MERTK: variants seen among roughly 807,000 people sequenced by gnomAD.
MERTK encodes tyrosine-protein kinase Mer.
In MERTK, 69 loss-of-function variants were observed where a neutral mutation model predicts 99.3. The ratio of observed to expected loss-of-function variants is 0.70; its 90% CI spans 0.57 to 0.85. MERTK has a LOEUF of 0.85. Among genes scored for constraint, MERTK ranks in the 40% least tolerant of loss-of-function variants. The probability of loss-of-function intolerance (pLI) is 0.00; values close to 1 mark genes in which losing one functional copy is unlikely to be tolerated. For synonymous variants in MERTK, 426 were observed against 467.6 expected (o/e 0.91, Z 1.15); for missense variants, 1,125 against 1,249.4 (o/e 0.90, Z 1.50).
intron 14 of MERTK, among the ~76,000 whole-genome samples, chr2:112,009,713 C>T (rs894323924): frequency 1.1e-4 from 17 of 152,162 alleles, no homozygotes; most frequent in African/African-American, 3.4e-4. Flanking sequence ...ATACTTGTTA[C>T]AGTTTAATTT....
At chr2:111,911,689 CTTTTTTTTTTTTT>C (rs34867670) in intron 1 of MERTK, among the ~76,000 whole-genome samples, 2 of 57,698 alleles carry the variant, frequency 3.5e-5, no homozygotes, top group East Asian at 1.3e-3. Context: ...AGCGCCCAGC[CTTTTTTTTTTTTT>C]TTTTTTTTTT....
At position 112,022,364 on chromosome 2, in the gene MERTK, T is replaced by A. The variant is rs1677369539; in HGVS notation, c.2456T>A (p.Leu819Ter). The part of the protein sequence containing the change: ...MYDYLLHGHR[L>*]KQPEDCLDEL... ...GACTATCTTCTCCATGGCCACAGGT[T>A]GAAGCAGCCCGAAGACTGCCTGGAT... The change falls in exon 18 of 19, where the codon TTG (leucine) becomes TAG (stop). Residue 819 changes from leucine to a stop codon, truncating the protein, a stop_gained. Transcript: ENST00000295408. LOFTEE classifies it low-confidence loss of function (END_TRUNC). 1 of 1,614,102 alleles carries A rather than the reference T, an allele frequency of 6.2e-7. No individual in the cohort carries two copies. The highest frequency in any genetic ancestry group is 8.5e-7 in the Non-Finnish European group (1 of 1,180,044).
chr2:112,016,947 G>A (rs1222674623), intron 15 of MERTK, among the ~76,000 whole-genome samples: 4 of 152,124 alleles, frequency 2.6e-5, no homozygotes, highest in Admixed American at 6.6e-5. Context: ...ATGAAGCCGC[G>A]GACCTTTGCA....
intron 2 of MERTK, among the ~76,000 whole-genome samples, chr2:111,931,303 G>A (rs1394609536): frequency 1.3e-5 from 2 of 152,136 alleles, no homozygotes; most frequent in African/African-American, 2.4e-5. Context: ...TGAGTCTCTC[G>A]GCAGCCGTTC....
chr2:111,959,189 C>T (rs1685200696), intron 4 of MERTK, among the ~76,000 whole-genome samples: 1 of 152,144 alleles, frequency 6.6e-6, no homozygotes, highest in South Asian at 2.1e-4. Context: ...GTGTTAAAGG[C>T]CTCACTGTGA....
At chr2:111,957,569 A>G (rs1224637090) in intron 4 of MERTK, among the ~76,000 whole-genome samples, 1 of 152,082 alleles carries the variant, frequency 6.6e-6, no homozygotes, top group African/African-American at 2.4e-5. Flanking sequence ...AATATATCAT[A>G]CATCTTACTT....
At chr2:111,924,387 T>C (rs1177143370) in intron 1 of MERTK, among the ~76,000 whole-genome samples, 1 of 152,176 alleles carries the variant, frequency 6.6e-6, no homozygotes, top group East Asian at 1.9e-4. Context: ...CAGGATCGCA[T>C]CTTTCCTCAA....
intron 1 of MERTK, among the ~76,000 whole-genome samples, chr2:111,900,814 G>A (rs942343991): frequency 2.6e-5 from 4 of 152,178 alleles, no homozygotes; most frequent in African/African-American, 7.2e-5. Flanking sequence ...ACAGCACAAA[G>A]GAGTGCTGTA....
intron 15 of MERTK, among the ~76,000 whole-genome samples, chr2:112,018,075 G>T (rs10187041): frequency 0.55 from 83,596 of 151,840 alleles, 23,646 homozygotes; most frequent in Middle Eastern, 0.68. Flanking sequence ...TCCTACACAA[G>T]AAGAAGGAGG....
intron 15 of MERTK, among the ~76,000 whole-genome samples, chr2:112,016,907 G>A (rs1386872066): frequency 6.6e-6 from 1 of 152,180 alleles, no homozygotes; most frequent in Non-Finnish European, 1.5e-5. Context: ...GGTTCCTTCT[G>A]GTGGGTTCTT....
chr2:111,932,181 T>C (rs756200281), intron 2 of MERTK, among the ~76,000 whole-genome samples: 9 of 152,146 alleles, frequency 5.9e-5, no homozygotes, highest in Non-Finnish European at 1.2e-4. Flanking sequence ...TTTTTGCAAA[T>C]GATGAGCATT....
chr2:111,939,705 T>C lies in MERTK; in HGVS notation c.483-5255T>C, dbSNP rs116594992. On this transcript the variant is annotated intron_variant, in intron 2 of 18. Coordinates refer to ENST00000295408, the MANE Select transcript of MERTK (RefSeq NM_006343.3). ...TTTGGTAAGAGATGGGTTCTCGTTA[T>C]GTTGCCCAGGCTGATCTCAAACTCC... Among the ~76,000 whole-genome samples, 630 of 146,278 alleles carry C rather than the reference T, an allele frequency of 4.3e-3. 3 individuals carry two copies. Among genetic ancestry groups the C allele is most frequent in the Admixed American group, 7.5e-3 (109 of 14,484 alleles).
intron 12 of MERTK, chr2:112,003,433 A>G: frequency 2.7e-6 from 1 of 371,308 alleles, no homozygotes; most frequent in Non-Finnish European, 4.9e-6. Flanking sequence ...TTCTTTCTTC[A>G]TTGAAAAGCA....
chr2:111,973,511 T>C (rs987606236), intron 6 of MERTK, among the ~76,000 whole-genome samples: 1 of 152,136 alleles, frequency 6.6e-6, no homozygotes, highest in Non-Finnish European at 1.5e-5. Flanking sequence ...TTCCAGAATG[T>C]TTATTTCTGG....
At chr2:111,913,013 A>T in intron 1 of MERTK, 3 of 984,946 alleles carry the variant, frequency 3.0e-6, no homozygotes, top group Non-Finnish European at 3.6e-6. Context: ...CCTTCACAGG[A>T]TTAGAGAAGA....
intron 6 of MERTK, among the ~76,000 whole-genome samples, chr2:111,968,821 GC>G (rs1676012653): frequency 6.6e-6 from 1 of 151,628 alleles, no homozygotes; most frequent in South Asian, 2.1e-4. Context: ...GAGCCACCAC[GC>G]CCAGCCAAGA....
At chr2:111,962,583 C>A (rs908611335) in intron 4 of MERTK, among the ~76,000 whole-genome samples, 1 of 151,962 alleles carries the variant, frequency 6.6e-6, no homozygotes, top group Non-Finnish European at 1.5e-5. Flanking sequence ...TCCCATAAAC[C>A]CCACCCCCAC....
intron 4 of MERTK, chr2:111,952,085 C>G (rs1685068430): frequency 6.6e-6 from 1 of 152,090 alleles, no homozygotes; most frequent in Non-Finnish European, 1.5e-5. Context: ...GTCAGTTACA[C>G]CCTTACAACG....
intron 2 of MERTK, among the ~76,000 whole-genome samples, chr2:111,932,463 G>C (rs1191348028): frequency 2.0e-5 from 3 of 152,200 alleles, no homozygotes; most frequent in African/African-American, 4.8e-5. Context: ...TTATAGGCGT[G>C]AGCCACCGTG....
Sources: gnomAD v4.1 joint callset for allele counts (sites outside exome capture counted in the v4.1 genomes callset) on GRCh38, gnomAD v4.1.1 for gene constraint, MANE v1.5 for transcripts, NCBI Gene and HGNC (gene_info 2026-07-23, HGNC 2026-07-21) for gene names.